CTSH: variants seen among roughly 807,000 people sequenced by gnomAD.
The protein encoded by CTSH is cathepsin H, also known as pro-cathepsin H.
CTSH carries 52 observed loss-of-function variants against 56.3 expected under a neutral mutation model. The ratio of observed to expected loss-of-function variants is 0.92; its 90% CI spans 0.74 to 1.16. The LOEUF (loss-of-function observed/expected upper bound fraction) is 1.16. CTSH is among the 50% of genes most tolerant of loss of function. The pLI is 0.00. For synonymous variants in CTSH, 174 were observed against 155.7 expected (o/e 1.12, Z -0.88); for missense variants, 406 against 424.5 (o/e 0.96, Z 0.38).
chr15:78,934,493 T>C (rs1422577870), intron 5 of CTSH, among the ~76,000 whole-genome samples: 1 of 152,200 alleles, frequency 6.6e-6, no homozygotes, highest in Non-Finnish European at 1.5e-5. Flanking sequence ...CCAAGCCCTC[T>C]GTGCCCCACA....
chr15:78,927,823 C>A (rs751856114), intron 8 of CTSH, 42 bp from the exon 9 acceptor site: 1 of 1,559,392 alleles, frequency 6.4e-7, no homozygotes, highest in Middle Eastern at 1.7e-4. Context: ...GTTATGGACC[C>A]GAAGTCTCAG....
chr15:78,935,871 C>G, intron 3 of CTSH, 121 bp from the exon 4 acceptor site: 1 of 658,072 alleles, frequency 1.5e-6, no homozygotes, highest in South Asian at 1.9e-5. Flanking sequence ...TGCAACCCAT[C>G]TCCTTTAAGT....
chr15:78,924,119 A>AGGGGGGGG (rs1567345760), intron 10 of CTSH, among the ~76,000 whole-genome samples: 3 of 2,286 alleles, frequency 1.3e-3, no homozygotes, highest in Admixed American at 4.2e-3. Flanking sequence ...GAGGGTGGGC[A>AGGGGGGGG]GGGTGGGTCA....
chr15:78,927,868 A>C, intron 8 of CTSH, 87 bp from the exon 9 acceptor site: 1 of 1,079,824 alleles, frequency 9.3e-7, no homozygotes, highest in South Asian at 1.3e-5. Flanking sequence ...TTACTAAACA[A>C]AACAAGATGT....
chr15:78,939,840 G>A (rs2055251671), intron 1 of CTSH, among the ~76,000 whole-genome samples: 1 of 152,226 alleles, frequency 6.6e-6, no homozygotes, highest in African/African-American at 2.4e-5. Flanking sequence ...CCGAGATCGT[G>A]CCACTGCACT....
chr15:78,935,449 C>G (rs190934252), intron 4 of CTSH, among the ~76,000 whole-genome samples: 2 of 152,286 alleles, frequency 1.3e-5, no homozygotes, highest in East Asian at 3.9e-4. Context: ...AACTGAGTAT[C>G]TATATTTTAA....
intron 1 of CTSH, 59 bp from the exon 2 acceptor site, chr15:78,939,230 C>T: frequency 7.3e-7 from 1 of 1,374,234 alleles, no homozygotes; most frequent in Non-Finnish European, 1.0e-6. Context: ...GAGTCTATAG[C>T]AAAGTAGGGC....
chr15:78,942,563 C>T (rs991231345), intron 1 of CTSH, among the ~76,000 whole-genome samples: 1 of 152,174 alleles, frequency 6.6e-6, no homozygotes, highest in Non-Finnish European at 1.5e-5. Flanking sequence ...CCATGAAGTC[C>T]TCTCCTCTTC....
chr15:78,934,724 A>G lies in CTSH; in HGVS notation c.405+254T>C, dbSNP rs888448637. Reference sequence around the variant, plus strand: ...TAGGAGAGACCTGGGACCAATGGGAAAATCTGGGGCGTGGGGAAGGAAGGG... The same window carrying G: ...TAGGAGAGACCTGGGACCAATGGGAGAATCTGGGGCGTGGGGAAGGAAGGG... On this transcript the variant is annotated intron_variant, in intron 5 of 11. Transcript: ENST00000220166. 4 of 528,954 alleles carry G rather than the reference A, an allele frequency of 7.6e-6. No homozygotes were observed. In the African/African-American group the frequency reaches 7.6e-5, roughly 10 times the overall value. 32.8% of individuals were successfully genotyped at this position (528,954 alleles called of 1,614,324 possible). A position where few individuals can be genotyped will look rare whatever the true frequency, so the allele number is the denominator to read the frequency against.
intron 7 of CTSH, among the ~76,000 whole-genome samples, chr15:78,930,626 T>TTGG (rs984945566): frequency 1.3e-5 from 2 of 151,822 alleles, no homozygotes; most frequent in African/African-American, 4.8e-5. Context: ...TTGTTATGGG[T>TTGG]TGGGTTTCTA....
intron 5 of CTSH, among the ~76,000 whole-genome samples, chr15:78,934,531 C>T (rs1239491440): frequency 6.6e-6 from 1 of 152,218 alleles, no homozygotes; most frequent in Non-Finnish European, 1.5e-5. Flanking sequence ...CAGCCCCTGC[C>T]ATGAGAAGCT....
At chr15:78,938,500 G>A (rs768012951) in intron 2 of CTSH, among the ~76,000 whole-genome samples, 44 of 151,980 alleles carry the variant, frequency 2.9e-4, no homozygotes, top group Non-Finnish European at 5.4e-4. Context: ...TCCCACATAC[G>A]AGTGAGAACA....
chr15:78,929,680 C>G (rs1185920757), intron 7 of CTSH, among the ~76,000 whole-genome samples, 187 bp from the exon 8 acceptor site: 4 of 152,142 alleles, frequency 2.6e-5, no homozygotes, highest in Admixed American at 2.6e-4. Context: ...GATGAGGCCA[C>G]CGGAGTCCAA....
intron 10 of CTSH, among the ~76,000 whole-genome samples, 178 bp downstream of exon 10, chr15:78,925,156 T>G (rs192056526): frequency 3.9e-5 from 6 of 152,314 alleles, no homozygotes; most frequent in African/African-American, 1.4e-4. Flanking sequence ...CTCCTGGCCC[T>G]TGGGGCTGTG....
intron 9 of CTSH, chr15:78,925,691 A>T (rs2054889526): frequency 2.4e-6 from 1 of 415,062 alleles, no homozygotes; most frequent in African/African-American, 2.0e-5. Flanking sequence ...TACAGCGTGG[A>T]CCTACTCATT....
chr15:78,927,712 C>T lies in CTSH; in HGVS notation c.699+1G>A, dbSNP rs148219875. Reference sequence around the variant, plus strand: ...CATCCCAGAGGGGGATCGGCACTCACGATTGTGATGTTGGCTACATCCTTG... The same window carrying T: ...CATCCCAGAGGGGGATCGGCACTCATGATTGTGATGTTGGCTACATCCTTG... On this transcript the variant is annotated splice_donor_variant, in intron 9 of 11. Transcript: ENST00000220166. LOFTEE classifies it high-confidence loss of function. 295 of 1,613,968 alleles carry T rather than the reference C, an allele frequency of 1.8e-4. 2 individuals carry two copies. In the East Asian group the frequency reaches 6.0e-3, roughly 33 times the overall value.
At chr15:78,935,191 A>C (rs1312542588) in intron 4 of CTSH, 109 bp from the exon 5 acceptor site, 3 of 746,406 alleles carry the variant, frequency 4.0e-6, no homozygotes, top group Non-Finnish European at 6.6e-6. Flanking sequence ...GAGAATAAGA[A>C]AGGCTGCAGC....
At chr15:78,931,834 G>C in intron 6 of CTSH, 1 of 1,289,256 alleles carries the variant, frequency 7.8e-7, no homozygotes, top group East Asian at 3.7e-5. Flanking sequence ...GTATAGGATG[G>C]GGGAAACAGG....
chr15:78,930,471 G>A (rs1377214771), intron 7 of CTSH, among the ~76,000 whole-genome samples: 1 of 152,068 alleles, frequency 6.6e-6, no homozygotes, highest in Non-Finnish European at 1.5e-5. Context: ...AGCTTGCAGT[G>A]AGCTGAGATC....
Sources: allele counts gnomAD v4.1 joint callset (sites outside exome capture counted in the v4.1 genomes callset), GRCh38; gene constraint gnomAD v4.1.1; transcripts MANE v1.5; gene names NCBI Gene and HGNC (gene_info 2026-07-23, HGNC 2026-07-21).